The following ZC3H18 variants were observed in gnomAD, a reference collection of about 807,000 sequenced individuals.
ZC3H18 encodes the protein zinc finger CCCH domain-containing protein 18.
ZC3H18 carries 8 observed loss-of-function variants against 106.1 expected under a neutral mutation model. The ratio of observed to expected loss-of-function variants is 0.08; its 90% CI spans 0.04 to 0.14. The LOEUF is 0.14. Ranked by LOEUF, ZC3H18 falls within the 10% of genes least tolerant of loss-of-function variation. The pLI is 1.00. For missense variants in ZC3H18, 1,318 were observed against 1,278.4 expected (o/e 1.03, Z -0.47); for synonymous variants, 635 against 522.1 (o/e 1.22, Z -2.95).
At chr16:88,586,807 AGGTGGT>A (rs113134808) in intron 3 of ZC3H18, 123 bp downstream of exon 3, 334 of 491,812 alleles carry the variant, frequency 6.8e-4, no homozygotes, top group Middle Eastern at 1.6e-3. Flanking sequence ...ATTACTGGCT[AGGTGGT>A]GGTGGTGGTG....
chr16:88,572,040 C>A (rs115251082), intron 1 of ZC3H18, among the ~76,000 whole-genome samples: 6 of 152,198 alleles, frequency 3.9e-5, no homozygotes, highest in African/African-American at 1.4e-4. Context: ...TCAATAGTCA[C>A]CCTCCAGGTT....
chr16:88,573,773 G>A (rs1197850970), intron 1 of ZC3H18, among the ~76,000 whole-genome samples: 2 of 151,858 alleles, frequency 1.3e-5, no homozygotes, highest in African/African-American at 4.8e-5. Context: ...ACCGAATAGT[G>A]TACTTAGAAA....
chr16:88,604,120 G>T (rs1904892482), intron 6 of ZC3H18, among the ~76,000 whole-genome samples: 1 of 152,098 alleles, frequency 6.6e-6, no homozygotes, highest in Admixed American at 6.6e-5. Flanking sequence ...GGGAGGTCAA[G>T]GTTGGCAGAT....
Position 88,628,803 on chromosome 16 carries a change from G to A in ZC3H18, c.2515G>A (p.Asp839Asn). 1 of 1,614,100 alleles carries A rather than the reference G, an allele frequency of 6.2e-7. No individual in the cohort carries two copies. Among genetic ancestry groups the A allele is most frequent in the Non-Finnish European group, 8.5e-7 (1 of 1,180,002 alleles). The change falls in exon 16 of 18, where the codon GAC becomes AAC. Residue 839 changes from aspartate (D) to asparagine (N), a missense_variant. Transcript: ENST00000301011. ...SRKRYEPSDK[D>N]RQSPPPAKRP... is the part of the protein sequence containing the mutation. ...GAAGCGCTATGAACCATCAGACAAGGACAGGCAGAGCCCTCCTCCAGCCAA... is the reference window on the plus strand; with the variant it reads ...GAAGCGCTATGAACCATCAGACAAGAACAGGCAGAGCCCTCCTCCAGCCAA...
chr16:88,604,064 A>AT (rs1443050511), intron 6 of ZC3H18, among the ~76,000 whole-genome samples: 2 of 152,076 alleles, frequency 1.3e-5, no homozygotes, highest in Non-Finnish European at 2.9e-5. Flanking sequence ...AACCTCACAT[A>AT]TTGGCTGGAT....
rs1906396789 is a variant in ZC3H18, at chr16:88,627,671, A to G, written c.2158A>G (p.Ser720Gly). ...VSSVSSATSS[S>G]SSAHSVDSED... ...CTCAGTGTCCAGTGCTACGTCGAGC[A>G]GCAGCTCTGCACACAGCGTGGACTC... The change falls in exon 14 of 18, where the codon AGC (serine) becomes GGC (glycine). Residue 720 changes from serine to glycine, a missense_variant. Coordinates refer to ENST00000301011, the MANE Select transcript of ZC3H18 (RefSeq NM_144604.4). This position sits in a 1 kb window ranked among gnomAD's most constrained non-coding sequence, Gnocchi z 4.5. 6.2e-7 allele frequency: 1 copy of G among 1,612,970 alleles called. No individual in the cohort carries two copies. Among genetic ancestry groups the G allele is most frequent in the Non-Finnish European group, 8.5e-7 (1 of 1,179,240 alleles).
At chr16:88,619,996 A>G (rs1042779550) in intron 8 of ZC3H18, among the ~76,000 whole-genome samples, 13 of 152,170 alleles carry the variant, frequency 8.5e-5, no homozygotes, top group Admixed American at 2.6e-4. Context: ...AGATGTGGCA[A>G]TAGCTCTTGG....
Position 88,624,062 on chromosome 16 carries a change from G to A in ZC3H18, c.1898G>A (p.Gly633Glu). 6.2e-7 allele frequency: 1 copy of A among 1,602,620 alleles called. No individual in the cohort carries two copies. Among genetic ancestry groups the A allele is most frequent in the Non-Finnish European group, 8.5e-7 (1 of 1,174,424 alleles). The change falls in exon 11 of 18, where the codon GGA becomes GAA. Residue 633 changes from glycine (G) to glutamate (E), a missense_variant and splice_region_variant. Physicochemically the swap from Gly to Glu is moderately conservative, Grantham distance 98. Coordinates refer to ENST00000301011, the MANE Select transcript of ZC3H18 (RefSeq NM_144604.4). ...GEPAPPPGKA[G>E]EKSVKKPAPP... Reference sequence around the variant, plus strand: ...CCGGCCCCGCCGCCCGGGAAAGCAGGGTGAGTGCCCAGCCTGTGGGCAAGT... The same window carrying A: ...CCGGCCCCGCCGCCCGGGAAAGCAGAGTGAGTGCCCAGCCTGTGGGCAAGT...
In ZC3H18 at chr16:88,580,195, T is replaced by C. The variant is rs962332849; in HGVS notation, c.603+2469T>C. On this transcript the variant is annotated intron_variant, in intron 2 of 17. Transcript: ENST00000301011. ...GTGTGTGTGTGTGTGTGTGTGTGTG[T>C]GTGTGTGTGTGTGTATATGTATATG... 5.0e-5 allele frequency among the ~76,000 whole-genome samples: 5 copies of C among 99,472 alleles called. No homozygotes were observed. The South Asian group carries it at 1.6e-3, about 32-fold the overall frequency. 65.3% of individuals were successfully genotyped at this position (99,472 alleles called of 152,430 possible).
At chr16:88,611,656 G>A in intron 8 of ZC3H18, 120 bp downstream of exon 8, 1 of 1,403,774 alleles carries the variant, frequency 7.1e-7, no homozygotes, top group South Asian at 1.5e-5. Context: ...CAGGGGACCA[G>A]TGCAGGCCCA....
chr16:88,617,129 G>A (rs890950414), intron 8 of ZC3H18, among the ~76,000 whole-genome samples: 1 of 152,144 alleles, frequency 6.6e-6, no homozygotes, highest in Non-Finnish European at 1.5e-5. Context: ...TGTCCATGGG[G>A]GAGCCATTTC....
intron 13 of ZC3H18, chr16:88,626,991 C>G (rs57861308): frequency 1.3e-5 from 2 of 152,310 alleles, no homozygotes; most frequent in African/African-American, 4.8e-5. Flanking sequence ...GCCAGGGACT[C>G]TGCTTAAATT....
In ZC3H18 at chr16:88,577,390, C is replaced by A; in HGVS notation, c.267C>A (p.Ser89Arg). The A allele has an allele frequency of 6.3e-7, 1 of 1,596,934 alleles. No individual in the cohort carries two copies. Among genetic ancestry groups the A allele is most frequent in the Non-Finnish European group, 8.5e-7 (1 of 1,169,836 alleles). ...QDQDSEVNELSRGPTSSPCEE... is the reference protein window; with the variant it reads ...QDQDSEVNELRRGPTSSPCEE... ...AGGACTCAGAGGTGAATGAGCTGAGCCGGGGCCCGACCAGCTCCCCCTGCG... is the reference window on the plus strand; with the variant it reads ...AGGACTCAGAGGTGAATGAGCTGAGACGGGGCCCGACCAGCTCCCCCTGCG... The change falls in exon 2 of 18, where the codon AGC becomes AGA. Residue 89 changes from serine to arginine, a missense_variant. Physicochemically the swap from Ser to Arg is moderately radical, Grantham distance 110. This residue lies in a region of ZC3H18 where 346 missense variants were observed against 269.0 expected (regional missense o/e 1.29). Coordinates refer to ENST00000301011, the MANE Select transcript of ZC3H18 (RefSeq NM_144604.4).
chr16:88,630,723 G>A, intron 17 of ZC3H18, 142 bp downstream of exon 17: 2 of 658,074 alleles, frequency 3.0e-6, no homozygotes, highest in Non-Finnish European at 5.1e-6. Context: ...ACGGGGTGAG[G>A]GGCATGGACA....
intron 3 of ZC3H18, among the ~76,000 whole-genome samples, chr16:88,592,145 T>G (rs1915794231): frequency 6.6e-6 from 1 of 152,190 alleles, no homozygotes; most frequent in Non-Finnish European, 1.5e-5. Context: ...ACCAGTGGTG[T>G]GGGGGCTTCC....
At chr16:88,577,851 G>C (rs1229257711) in intron 2 of ZC3H18, 125 bp downstream of exon 2, 6 of 1,529,100 alleles carry the variant, frequency 3.9e-6, no homozygotes, top group Non-Finnish European at 5.3e-6. Flanking sequence ...TGGTGCAGGA[G>C]AATGAGAGGC....
At chr16:88,596,647 A>C (rs1172215287) in intron 3 of ZC3H18, among the ~76,000 whole-genome samples, 1 of 152,048 alleles carries the variant, frequency 6.6e-6, no homozygotes, top group Non-Finnish European at 1.5e-5. Context: ...GTGAGACTCC[A>C]TCTGAAAAAA....
rs142499991 is a variant in ZC3H18, at chr16:88,621,727, G to C, written c.1476-470G>C. On this transcript the variant is annotated intron_variant, in intron 8 of 17. Coordinates refer to ENST00000301011, the MANE Select transcript of ZC3H18 (RefSeq NM_144604.4). ...GCTGATCTGGAACTCCCGACCTCAA[G>C]TAATCCACCCGCCTCGTCCTCGCAA... is the stretch of plus-strand genomic sequence containing the variant. Among the ~76,000 whole-genome samples the C allele has an allele frequency of 8.5e-4, 130 of 152,288 alleles. No homozygotes were observed. The East Asian group carries it at 9.5e-3, about 11-fold the overall frequency.
chr16:88,608,707 G>C (rs141747456), intron 6 of ZC3H18: 13 of 313,322 alleles, frequency 4.1e-5, no homozygotes, highest in South Asian at 2.8e-4. Context: ...AAAGGCTATT[G>C]AATTTTTGTT....
Sources: gnomAD v4.1 joint callset for allele counts (sites outside exome capture counted in the v4.1 genomes callset) on GRCh38, gnomAD v4.1.1 for gene constraint, gnomAD v4.1.1 regional missense constraint, Gnocchi (gnomAD v3.1) non-coding constraint, MANE v1.5 for transcripts, NCBI Gene and HGNC (gene_info 2026-07-23, HGNC 2026-07-21) for gene names.